Variants in AKAP13 observed in about 807,000 individuals in gnomAD.
The protein encoded by AKAP13 is A-kinase anchoring protein 13.
Under a neutral mutation model 264.5 loss-of-function variants are expected in AKAP13, and 80 were observed. The ratio of observed to expected loss-of-function variants is 0.30; its 90% confidence interval spans 0.25 to 0.36. The LOEUF is 0.36. Among genes scored for constraint, AKAP13 ranks in the 10% least tolerant of loss-of-function variants. AKAP13 has a pLI of 1.00. For synonymous variants in AKAP13, 1,380 were observed against 1,250.2 expected, an observed-to-expected ratio of 1.10 and a Z score of -2.19; for missense variants, 3,712 against 3,435.2, an observed-to-expected ratio of 1.08 and a Z score of -2.01.
chr15:85,731,249 A>G (rs1156625910), intron 30 of AKAP13, among the ~76,000 whole-genome samples: 1 of 151,456 alleles, frequency 6.6e-6, no homozygotes, highest in Non-Finnish European at 1.5e-5. Flanking sequence ...CAAGTTATCC[A>G]CCCACCTTGG....
At chr15:85,682,833 A>T (rs2084670571) in intron 15 of AKAP13, among the ~76,000 whole-genome samples, 1 of 151,980 alleles carries the variant, frequency 6.6e-6, no homozygotes, top group African/African-American at 2.4e-5. Context: ...ATGCCCAGCT[A>T]ATTTTGTATT....
chr15:85,670,369 A>G (rs533314551), intron 14 of AKAP13, among the ~76,000 whole-genome samples: 25 of 151,876 alleles, frequency 1.6e-4, no homozygotes, highest in Non-Finnish European at 3.2e-4. Context: ...ACCATAGTAT[A>G]TGGGTACCAT....
At chr15:85,573,546 A>AAAATAAATAAATAAAT (rs141173816) in intron 5 of AKAP13, among the ~76,000 whole-genome samples, 3,709 of 145,818 alleles carry the variant, frequency 0.025, 118 homozygotes, top group African/African-American at 0.078. Context: ...CTCTGTCTCA[A>AAAATAAATAAATAAAT]AAATAAATAA....
chr15:85,446,899 A>G (rs975531727), intron 1 of AKAP13, among the ~76,000 whole-genome samples: 21 of 152,080 alleles, frequency 1.4e-4, no homozygotes, highest in African/African-American at 4.8e-4. Context: ...CCAAGGAAGG[A>G]ATGGGAAAAT....
intron 13 of AKAP13, among the ~76,000 whole-genome samples, chr15:85,668,803 C>CATA (rs2083744533): frequency 6.6e-6 from 1 of 152,000 alleles, no homozygotes; most frequent in African/African-American, 2.4e-5. Context: ...ATTAGCTGGG[C>CATA]GTGGTGGTGC....
intron 1 of AKAP13, among the ~76,000 whole-genome samples, chr15:85,439,798 T>C (rs1354214085): frequency 8.3e-6 from 1 of 120,952 alleles, no homozygotes; most frequent in African/African-American, 3.2e-5. Flanking sequence ...GGAAGGGGAA[T>C]ATCACACTCT....
chr15:85,683,912 A>T (rs2084751415), intron 15 of AKAP13, among the ~76,000 whole-genome samples: 2 of 152,194 alleles, frequency 1.3e-5, no homozygotes, highest in Admixed American at 1.3e-4. Context: ...TGATCTTTCA[A>T]CACTGTGCCT....
intron 2 of AKAP13, among the ~76,000 whole-genome samples, chr15:85,486,840 G>A (rs550628501): frequency 6.9e-6 from 1 of 145,180 alleles, no homozygotes; most frequent in Non-Finnish European, 1.5e-5. Flanking sequence ...CCAGGTTCAC[G>A]CCAGTCTCCT....
intron 5 of AKAP13, among the ~76,000 whole-genome samples, chr15:85,571,986 G>A (rs1274041977): frequency 6.6e-6 from 1 of 152,220 alleles, no homozygotes; most frequent in Non-Finnish European, 1.5e-5. Context: ...ACATTCCTCT[G>A]GAAGGTGAGA....
intron 1 of AKAP13, among the ~76,000 whole-genome samples, chr15:85,463,995 G>A (rs2074626915): frequency 6.6e-6 from 1 of 152,154 alleles, no homozygotes; most frequent in Non-Finnish European, 1.5e-5. Context: ...AAGCCATAAT[G>A]ATTGTTACAG....
At chr15:85,400,460 A>G (rs1389220250) in intron 1 of AKAP13, among the ~76,000 whole-genome samples, 1 of 152,290 alleles carries the variant, frequency 6.6e-6, no homozygotes, top group South Asian at 2.1e-4. Flanking sequence ...ACAAATACGT[A>G]TAATCCACAT....
intron 19 of AKAP13, among the ~76,000 whole-genome samples, chr15:85,714,076 G>C (rs1274834770): frequency 6.6e-6 from 1 of 152,048 alleles, no homozygotes; most frequent in African/African-American, 2.4e-5. Flanking sequence ...CCTACTAATA[G>C]CCTACTGTTG....
intron 8 of AKAP13, among the ~76,000 whole-genome samples, chr15:85,629,800 G>A (rs1248179787): frequency 2.3e-5 from 1 of 43,816 alleles, no homozygotes; most frequent in African/African-American, 6.6e-5. Flanking sequence ...TTTTTTTTGA[G>A]ACAGTGTCTG....
intron 1 of AKAP13, among the ~76,000 whole-genome samples, chr15:85,431,827 T>C (rs996512877): frequency 6.6e-6 from 1 of 152,262 alleles, no homozygotes; most frequent in Non-Finnish European, 1.5e-5. Context: ...CCAGATTCTT[T>C]AGCAGATCAA....
chr15:85,561,118 C>T (rs575687322), intron 5 of AKAP13, among the ~76,000 whole-genome samples: 10 of 148,362 alleles, frequency 6.7e-5, no homozygotes, highest in Non-Finnish European at 1.2e-4. Context: ...AGTGCAACGG[C>T]GCAATCTCGG....
intron 5 of AKAP13, among the ~76,000 whole-genome samples, chr15:85,569,585 T>G (rs1238533328): frequency 1.3e-5 from 2 of 151,762 alleles, no homozygotes; most frequent in Non-Finnish European, 2.9e-5. Context: ...CCCGAGTTGC[T>G]GGGATTACAG....
chr15:85,640,551 A>AT (rs1353371761), intron 9 of AKAP13, among the ~76,000 whole-genome samples: 2 of 152,138 alleles, frequency 1.3e-5, no homozygotes, highest in Middle Eastern at 3.2e-3. Context: ...TTTTTGTCTC[A>AT]TTTTTTGAGA....
chr15:85,403,667 C>T (rs1473201067), intron 1 of AKAP13, among the ~76,000 whole-genome samples: 1 of 151,984 alleles, frequency 6.6e-6, no homozygotes, highest in African/African-American at 2.4e-5. Context: ...ATAGTGAAAC[C>T]TTGTCTTTAC....
At chr15:85,531,430 T>C (rs2077239089) in intron 3 of AKAP13, among the ~76,000 whole-genome samples, 2 of 152,234 alleles carry the variant, frequency 1.3e-5, no homozygotes, top group African/African-American at 2.4e-5. Context: ...GATGGATGTC[T>C]AGCTTTTAGC....
Sources: allele counts gnomAD v4.1 joint callset (sites outside exome capture counted in the v4.1 genomes callset), GRCh38; gene constraint gnomAD v4.1.1; transcripts MANE v1.5; gene names NCBI Gene and HGNC (gene_info 2026-07-23, HGNC 2026-07-21).